RLN2: variants seen among roughly 807,000 people sequenced by gnomAD.
RLN2 encodes the protein prorelaxin H2.
Under a neutral mutation model 7.3 loss-of-function variants are expected in RLN2, and 10 were observed. That is an observed-to-expected ratio of 1.36 (90% CI 0.84 to 2.31). RLN2 has a LOEUF of 2.31. Ranked by LOEUF, RLN2 falls within the 30% of genes most tolerant of loss-of-function variation. The pLI, the probability that RLN2 is intolerant of heterozygous loss-of-function variation, is 0.00. For missense variants in RLN2, 298 were observed against 217.6 expected, an observed-to-expected ratio of 1.37 and a Z score of -2.32; for synonymous variants, 103 against 82.3, an observed-to-expected ratio of 1.25 and a Z score of -1.36.
chr9:5,337,138 A>G, the RLN2 span, among the ~76,000 whole-genome samples: 8 of 152,058 alleles, frequency 5.3e-5, no homozygotes, highest in African/African-American at 1.9e-4. Flanking sequence ...ATTTTCCCTC[A>G]TTAAGACATC....
At chr9:5,325,215 T>G in the RLN2 span, among the ~76,000 whole-genome samples, 1 of 151,918 alleles carries the variant, frequency 6.6e-6, no homozygotes, top group Non-Finnish European at 1.5e-5. Flanking sequence ...GTATACAAGC[T>G]TAGTGTTCCA....
At chr9:5,330,435 G>A in the RLN2 span, among the ~76,000 whole-genome samples, 5 of 151,664 alleles carry the variant, frequency 3.3e-5, no homozygotes, top group East Asian at 1.9e-4. Context: ...TCAGGAGATC[G>A]AGACCATCCT....
the RLN2 span, among the ~76,000 whole-genome samples, chr9:5,335,806 T>C: frequency 6.6e-6 from 1 of 152,036 alleles, no homozygotes; most frequent in Admixed American, 6.6e-5. Flanking sequence ...AAGGCTCTGC[T>C]TTACCCCATT....
At chr9:5,300,758 T>C (rs1263146794) in intron 1 of RLN2, among the ~76,000 whole-genome samples, 9 of 152,234 alleles carry the variant, frequency 5.9e-5, no homozygotes, top group Admixed American at 2.0e-4. Flanking sequence ...TCTGAAGTCA[T>C]GTAAGTCACT....
At chr9:5,324,315 C>T in the RLN2 span, among the ~76,000 whole-genome samples, 1 of 151,962 alleles carries the variant, frequency 6.6e-6, no homozygotes. Flanking sequence ...ACTTCTAATA[C>T]TCAGAGGTCT....
upstream of RLN2, among the ~76,000 whole-genome samples, chr9:5,308,832 T>C (rs908271769): frequency 7.2e-5 from 11 of 152,018 alleles, no homozygotes; most frequent in East Asian, 2.1e-3. Context: ...AAGTTTCAGC[T>C]CTCTGCCAGC....
At chr9:5,337,728 T>G in the RLN2 span, among the ~76,000 whole-genome samples, 1 of 152,058 alleles carries the variant, frequency 6.6e-6, no homozygotes, top group Admixed American at 6.6e-5. Flanking sequence ...GGCAATATTT[T>G]CTGAGGTTAC....
At chr9:5,315,604 T>G in the RLN2 span, among the ~76,000 whole-genome samples, 1 of 151,940 alleles carries the variant, frequency 6.6e-6, no homozygotes, top group South Asian at 2.1e-4. Context: ...GCTCCAAAGT[T>G]CCTAAACAGA....
At chr9:5,302,274 C>T (rs182072285) in intron 1 of RLN2, among the ~76,000 whole-genome samples, 1 of 152,236 alleles carries the variant, frequency 6.6e-6, no homozygotes, top group Admixed American at 6.5e-5. Context: ...CATACAAATA[C>T]CCTTATTCAC....
chr9:5,336,363 C>T, the RLN2 span, among the ~76,000 whole-genome samples: 1 of 152,008 alleles, frequency 6.6e-6, no homozygotes, highest in Non-Finnish European at 1.5e-5. Context: ...AGATCATGCA[C>T]TATGCAAGAT....
the RLN2 span, among the ~76,000 whole-genome samples, chr9:5,325,939 C>G: frequency 6.6e-6 from 1 of 151,996 alleles, no homozygotes; most frequent in Non-Finnish European, 1.5e-5. Context: ...CCATGTAACA[C>G]ACTGGAAAGT....
intron 1 of RLN2, among the ~76,000 whole-genome samples, chr9:5,302,314 A>G (rs1219583806): frequency 7.9e-5 from 12 of 152,212 alleles, no homozygotes. Flanking sequence ...TCTCACTAAA[A>G]TAGGCCTCTT....
chr9:5,325,900 T>C, the RLN2 span, among the ~76,000 whole-genome samples: 3 of 152,078 alleles, frequency 2.0e-5, no homozygotes, highest in African/African-American at 7.2e-5. Context: ...ATCAATTCTA[T>C]TGTGGAAGCA....
chr9:5,320,091 T>C, the RLN2 span, among the ~76,000 whole-genome samples: 1 of 151,522 alleles, frequency 6.6e-6, no homozygotes, highest in Non-Finnish European at 1.5e-5. Flanking sequence ...ATTCAAGCCA[T>C]TCTCCTGCCT....
chr9:5,327,759 C>G, the RLN2 span, among the ~76,000 whole-genome samples: 25 of 152,018 alleles, frequency 1.6e-4, no homozygotes, highest in South Asian at 4.8e-3. Context: ...CTGGTGATAC[C>G]CAGGCAAATA....
the RLN2 span, among the ~76,000 whole-genome samples, chr9:5,331,287 T>TA: frequency 4.0e-5 from 6 of 151,712 alleles, no homozygotes; most frequent in East Asian, 1.9e-4. Flanking sequence ...AGAGACACAA[T>TA]AAAAAAAGAG....
chr9:5,322,948 A>G, the RLN2 span, among the ~76,000 whole-genome samples: 2 of 151,708 alleles, frequency 1.3e-5, no homozygotes, highest in Admixed American at 1.3e-4. Flanking sequence ...CAGAAAAAGC[A>G]CTTCGCCTCC....
At chr9:5,329,448 A>G in the RLN2 span, among the ~76,000 whole-genome samples, 1 of 151,908 alleles carries the variant, frequency 6.6e-6, no homozygotes, top group African/African-American at 2.4e-5. Flanking sequence ...CCCAACTAAA[A>G]GAGACAGACT....
upstream of RLN2, among the ~76,000 whole-genome samples, chr9:5,309,070 T>C (rs897287596): frequency 6.6e-6 from 1 of 152,094 alleles, no homozygotes; most frequent in Non-Finnish European, 1.5e-5. Context: ...TCACTTGTCA[T>C]ATGTTTGGCC....
Sources: allele counts gnomAD v4.1 joint callset (sites outside exome capture counted in the v4.1 genomes callset), GRCh38; gene constraint gnomAD v4.1.1; transcripts MANE v1.5; gene names NCBI Gene and HGNC (gene_info 2026-07-23, HGNC 2026-07-21).